Variants in EXOC6B observed in about 807,000 individuals in gnomAD.
The protein encoded by EXOC6B is SEC15 homolog B.
Under a neutral mutation model 113.5 loss-of-function variants are expected in EXOC6B, and 54 were observed. The observed-to-expected ratio is 0.48, with a 90% confidence interval of 0.38 to 0.60. EXOC6B has a LOEUF of 0.60. Among genes scored for constraint, EXOC6B ranks in the 20% least tolerant of loss-of-function variants. The pLI is 0.00. For synonymous variants in EXOC6B, 357 were observed against 339.0 expected, an observed-to-expected ratio of 1.05 and a Z score of -0.58; for missense variants, 797 against 977.5, an observed-to-expected ratio of 0.82 and a Z score of 2.46.
At chr2:72,671,785 AAGAAAG>A (rs61157588) in intron 6 of EXOC6B, among the ~76,000 whole-genome samples, 3,049 of 128,222 alleles carry the variant, frequency 0.024, 148 homozygotes, top group African/African-American at 0.087. Flanking sequence ...GAAAGAAAGA[AAGAAAG>A]AAAGAAAGAA....
At chr2:72,819,075 A>G (rs960821211) in intron 1 of EXOC6B, among the ~76,000 whole-genome samples, 1 of 152,248 alleles carries the variant, frequency 6.6e-6, no homozygotes, top group African/African-American at 2.4e-5. Flanking sequence ...AGCCTGGAAG[A>G]GTATCTGGCA....
chr2:72,383,157 C>G (rs1233128512), intron 18 of EXOC6B, among the ~76,000 whole-genome samples: 1 of 152,030 alleles, frequency 6.6e-6, no homozygotes, highest in Non-Finnish European at 1.5e-5. Flanking sequence ...TCTAATTAAA[C>G]CTAAGAGCTT....
At chr2:72,793,000 TG>T (rs1382817413) in intron 1 of EXOC6B, among the ~76,000 whole-genome samples, 1 of 152,244 alleles carries the variant, frequency 6.6e-6, no homozygotes, top group Non-Finnish European at 1.5e-5. Flanking sequence ...GCTCAATCCA[TG>T]TTGTTCTGCC....
intron 20 of EXOC6B, among the ~76,000 whole-genome samples, chr2:72,225,944 C>A (rs563415141): frequency 1.3e-5 from 2 of 152,074 alleles, no homozygotes; most frequent in African/African-American, 4.8e-5. Context: ...CATCAAATTC[C>A]CTCCTCAGAA....
At chr2:72,484,866 T>C (rs1699335287) in intron 16 of EXOC6B, among the ~76,000 whole-genome samples, 1 of 152,202 alleles carries the variant, frequency 6.6e-6, no homozygotes, top group South Asian at 2.1e-4. Flanking sequence ...GGCATTTGGG[T>C]TGGTGACTTT....
At chr2:72,688,338 G>T (rs1677234954) in intron 6 of EXOC6B, among the ~76,000 whole-genome samples, 1 of 152,184 alleles carries the variant, frequency 6.6e-6, no homozygotes, top group Admixed American at 6.5e-5. Context: ...GAGGAAGTGA[G>T]ACAGGAAAAG....
At chr2:72,366,116 A>G (rs995254941) in intron 19 of EXOC6B, among the ~76,000 whole-genome samples, 2 of 152,190 alleles carry the variant, frequency 1.3e-5, no homozygotes, top group Admixed American at 1.3e-4. Flanking sequence ...CAGGTGAACA[A>G]TATCAATAAC....
intron 20 of EXOC6B, among the ~76,000 whole-genome samples, chr2:72,194,787 G>C (rs1679068582): frequency 6.6e-6 from 1 of 152,070 alleles, no homozygotes; most frequent in Admixed American, 6.5e-5. Flanking sequence ...GGTAGAGAGA[G>C]GTTCCAAATT....
At chr2:72,332,269 G>C (rs186445624) in intron 20 of EXOC6B, among the ~76,000 whole-genome samples, 3 of 152,100 alleles carry the variant, frequency 2.0e-5, no homozygotes, top group East Asian at 3.9e-4. Context: ...CAGGAGGTCA[G>C]TTATAGGTTT....
intron 19 of EXOC6B, among the ~76,000 whole-genome samples, chr2:72,372,370 G>A: frequency 6.6e-6 from 1 of 152,082 alleles, no homozygotes; most frequent in East Asian, 1.9e-4. Flanking sequence ...AAGCTATCCT[G>A]AGCAAAAAGA....
intron 6 of EXOC6B, among the ~76,000 whole-genome samples, chr2:72,668,123 C>T (rs749799720): frequency 4.6e-5 from 7 of 152,132 alleles, no homozygotes; most frequent in Non-Finnish European, 7.4e-5. Flanking sequence ...ATGGTCACCA[C>T]CACTAATCAT....
chr2:72,483,375 A>G (rs1699217885), intron 16 of EXOC6B, among the ~76,000 whole-genome samples: 1 of 152,208 alleles, frequency 6.6e-6, no homozygotes. Context: ...AGAAATCCTA[A>G]TAATAAGGAG....
chr2:72,555,516 G>A (rs1158966639), intron 8 of EXOC6B, among the ~76,000 whole-genome samples: 1 of 152,184 alleles, frequency 6.6e-6, no homozygotes, highest in Non-Finnish European at 1.5e-5. Flanking sequence ...GTGATGATGA[G>A]CATTTTTTCA....
intron 8 of EXOC6B, among the ~76,000 whole-genome samples, chr2:72,540,980 GTGACTGGCATTTGA>G (rs1005148934): frequency 6.6e-6 from 1 of 151,944 alleles, no homozygotes; most frequent in African/African-American, 2.4e-5. Context: ...TTTATCTTTT[GTGACTGGCATTTGA>G]TATGGTTTGG....
chr2:72,417,524 C>T (rs1361427327), intron 18 of EXOC6B, among the ~76,000 whole-genome samples: 1 of 152,086 alleles, frequency 6.6e-6, no homozygotes, highest in African/African-American at 2.4e-5. Flanking sequence ...TTTTCTACTG[C>T]TTATAATTAA....
At chr2:72,195,686 A>C in intron 20 of EXOC6B, among the ~76,000 whole-genome samples, 1 of 152,224 alleles carries the variant, frequency 6.6e-6, no homozygotes, top group East Asian at 1.9e-4. Context: ...TAACAATGTA[A>C]GTGTAAGCAA....
intron 18 of EXOC6B, among the ~76,000 whole-genome samples, chr2:72,421,725 C>T (rs1319339290): frequency 2.6e-5 from 4 of 152,238 alleles, no homozygotes; most frequent in African/African-American, 9.6e-5. Flanking sequence ...CCCACTTTGG[C>T]GGCACTTGAG....
At chr2:72,657,068 C>A (rs1482252350) in intron 6 of EXOC6B, among the ~76,000 whole-genome samples, 1 of 152,028 alleles carries the variant, frequency 6.6e-6, no homozygotes, top group African/African-American at 2.4e-5. Context: ...TCAGGCTGAT[C>A]TTGAACTCCC....
chr2:72,639,255 GC>G (rs1673062946), intron 6 of EXOC6B, among the ~76,000 whole-genome samples: 1 of 152,070 alleles, frequency 6.6e-6, no homozygotes. Context: ...CCCCACTAGT[GC>G]CCCATCCTTA....
Sources: gnomAD v4.1 joint callset for allele counts (sites outside exome capture counted in the v4.1 genomes callset) on GRCh38, gnomAD v4.1.1 for gene constraint, MANE v1.5 for transcripts, NCBI Gene and HGNC (gene_info 2026-07-23, HGNC 2026-07-21) for gene names.